The following NET1 variants were observed in gnomAD, a reference collection of about 807,000 sequenced individuals.
The protein encoded by NET1 is neuroepithelial cell-transforming gene 1 protein.
A neutral mutation model predicts 61.1 loss-of-function variants in NET1; 42 were observed. The ratio of observed to expected loss-of-function variants is 0.69; its 90% confidence interval spans 0.54 to 0.89. The LOEUF is 0.89. Ranked by LOEUF, NET1 falls within the 40% of genes least tolerant of loss-of-function variation. NET1 has a pLI of 0.00. For missense variants in NET1, 654 were observed against 747.3 expected, an observed-to-expected ratio of 0.88 and a Z score of 1.46; for synonymous variants, 254 against 281.8, an observed-to-expected ratio of 0.90 and a Z score of 0.99.
intron 3 of NET1, among the ~76,000 whole-genome samples, chr10:5,450,039 C>T (rs1452212340): frequency 6.8e-6 from 1 of 147,110 alleles, no homozygotes; most frequent in Non-Finnish European, 1.5e-5. Flanking sequence ...AAAGGAATGC[C>T]TGTGCTGGCC....
intron 2 of NET1, among the ~76,000 whole-genome samples, chr10:5,428,560 C>T (rs1212280185): frequency 1.3e-5 from 2 of 150,492 alleles, no homozygotes; most frequent in African/African-American, 4.9e-5. Context: ...CTAACAAGTA[C>T]AGACAGCCCT....
chr10:5,452,268 T>A lies in NET1; in HGVS notation c.364-90T>A. 1 of 1,174,808 alleles carries A rather than the reference T, an allele frequency of 8.5e-7. No homozygotes were observed. Among genetic ancestry groups the A allele is most frequent in the East Asian group, 2.7e-5 (1 of 37,026 alleles). 72.8% of individuals were successfully genotyped at this position (1,174,808 alleles called of 1,614,324 possible). Reference sequence around the variant, plus strand: ...GCATTGAGAAATTCTCAGAACTTTGTCTTTCTTCACTTTAAAAAAAAAGAA... The same window carrying A: ...GCATTGAGAAATTCTCAGAACTTTGACTTTCTTCACTTTAAAAAAAAAGAA... On this transcript the variant is annotated intron_variant, in intron 4 of 11. Coordinates refer to ENST00000355029, the MANE Select transcript of NET1 (RefSeq NM_001047160.3). The surrounding 1 kb of genome is among the most constrained non-coding windows in gnomAD (Gnocchi z 4.0).
chr10:5,430,314 A>C (rs1326696576), intron 3 of NET1, among the ~76,000 whole-genome samples: 1 of 152,126 alleles, frequency 6.6e-6, no homozygotes, highest in South Asian at 2.1e-4. Context: ...AGTAAATCCT[A>C]GATGTCATGT....
rs1832774674 is a variant in NET1, at chr10:5,455,042, A to G, written c.1121A>G (p.Glu374Gly). ...YYIDKLEYLD[E>G]KQRDPRIEAS... is the part of the protein sequence containing the mutation. ...ATCGACAAGCTGGAGTACCTGGATG[A>G]AAAGCAGAGGGACCCCAGAATCGAA... Residue 374 changes from glutamate to glycine, a missense_variant, in exon 10 of 12, where the codon GAA becomes GGA. Transcript: ENST00000355029. This position sits in a 1 kb window ranked among gnomAD's most constrained non-coding sequence, Gnocchi z 6.5. 7 of 1,614,080 alleles carry G rather than the reference A, an allele frequency of 4.3e-6. No individual in the cohort carries two copies. The highest frequency in any genetic ancestry group is 5.9e-6 in the Non-Finnish European group (7 of 1,180,034).
chr10:5,456,852 A>T lies in NET1; in HGVS notation c.1649A>T (p.Asp550Val). The T allele has an allele frequency of 6.2e-7, 1 of 1,614,142 alleles. No homozygotes were observed. The highest frequency in any genetic ancestry group is 8.5e-7 in the Non-Finnish European group (1 of 1,180,018). ...TCCAGTGTTACTCAGGTAGAAGTTG[A>T]TGAAAACGCTTACAGATGTGGCTCT... is the stretch of plus-strand genomic sequence containing the variant. ...TVSSVTQVEV[D>V]ENAYRCGSGM... The change falls in exon 12 of 12, where the codon GAT becomes GTT. Residue 550 changes from aspartate to valine, a missense_variant. Transcript: ENST00000355029. The surrounding 1 kb of genome is among the most constrained non-coding windows in gnomAD (Gnocchi z 7.0).
chr10:5,429,942 T>A (rs1014503219), intron 3 of NET1, among the ~76,000 whole-genome samples: 1 of 152,330 alleles, frequency 6.6e-6, no homozygotes, highest in African/African-American at 2.4e-5. Context: ...CATATTATGT[T>A]TAACAGCAGC....
rs1185689966 is a variant in NET1, at chr10:5,446,442, T to C, written c.256-5388T>C. 4 of 359,092 alleles carry C rather than the reference T, an allele frequency of 1.1e-5. No individual in the cohort carries two copies. The highest frequency in any genetic ancestry group is 4.4e-5 in the African/African-American group (2 of 45,464). 22.2% of individuals were successfully genotyped at this position (359,092 alleles called of 1,614,324 possible). A position where few individuals can be genotyped will look rare whatever the true frequency, so the allele number is the denominator to read the frequency against. On this transcript the variant is annotated intron_variant, in intron 3 of 11. Coordinates refer to ENST00000355029, the MANE Select transcript of NET1 (RefSeq NM_001047160.3). The surrounding 1 kb of genome is among the most constrained non-coding windows in gnomAD (Gnocchi z 5.0). ...AAATCAGGAAGAGAAGTTTCTGTCCTACTTGAACCCAGCTTCACTCTCCTC... is the reference window on the plus strand; with the variant it reads ...AAATCAGGAAGAGAAGTTTCTGTCCCACTTGAACCCAGCTTCACTCTCCTC...
Position 5,453,106 on chromosome 10 carries a change from G to A in NET1, c.595-144G>A. On this transcript the variant is annotated intron_variant, in intron 6 of 11. Coordinates refer to ENST00000355029, the MANE Select transcript of NET1 (RefSeq NM_001047160.3). The surrounding 1 kb of genome is among the most constrained non-coding windows in gnomAD (Gnocchi z 4.9). ...GTATTAGTAAGAGAGTTTATTTGGG[G>A]ATTAATACATACTAATTTATTTTAT... 1.4e-6 allele frequency: 1 copy of A among 725,124 alleles called. No homozygotes were observed. Among genetic ancestry groups the A allele is most frequent in the Admixed American group, 2.2e-5 (1 of 45,074 alleles). The allele number at this position is 725,124 out of a possible 1,614,324, so 44.9% of individuals were successfully genotyped here.
chr10:5,458,322 A>G lies in NET1; in HGVS notation c.*1328A>G, dbSNP rs878975212. 2.6e-5 allele frequency: 4 copies of G among 152,570 alleles called. No individual in the cohort carries two copies. Among genetic ancestry groups the G allele is most frequent in the Non-Finnish European group, 4.4e-5 (3 of 68,028 alleles). 9.5% of individuals were successfully genotyped at this position (152,570 alleles called of 1,614,324 possible). Reference sequence around the variant, plus strand: ...AAAAGCCCGATTATAATGGTGATCAATTCAAGTCAGTGTTGACTATTCTGT... The same window carrying G: ...AAAAGCCCGATTATAATGGTGATCAGTTCAAGTCAGTGTTGACTATTCTGT... On this transcript the variant is annotated 3_prime_UTR_variant, in exon 12 of 12. Coordinates refer to ENST00000355029, the MANE Select transcript of NET1 (RefSeq NM_001047160.3). The surrounding 1 kb of genome is among the most constrained non-coding windows in gnomAD (Gnocchi z 4.5).
chr10:5,445,095 A>G (rs1832585310), intron 3 of NET1, among the ~76,000 whole-genome samples: 3 of 152,170 alleles, frequency 2.0e-5, no homozygotes, highest in African/African-American at 4.8e-5. Context: ...CCAGTCACAT[A>G]TATCTTATTA....
At position 5,449,397 on chromosome 10, in the gene NET1, C is replaced by T. The variant is rs955884367; in HGVS notation, c.256-2433C>T. ...TCCCAACCTGTATTTCCTGAGTAAG[C>T]ATCATACTTCCCAAGACATCCTAGA... is the stretch of plus-strand genomic sequence containing the variant. On this transcript the variant is annotated intron_variant, in intron 3 of 11. Coordinates refer to ENST00000355029, the MANE Select transcript of NET1 (RefSeq NM_001047160.3). This position sits in a 1 kb window ranked among gnomAD's most constrained non-coding sequence, Gnocchi z 4.4. Among the ~76,000 whole-genome samples, 43 of 152,112 alleles carry T rather than the reference C, an allele frequency of 2.8e-4. No homozygotes were observed. Among genetic ancestry groups the T allele is most frequent in the Non-Finnish European group, 4.0e-4 (27 of 68,026 alleles).
chr10:5,455,176 A>C lies in NET1; in HGVS notation c.1197+58A>C. 6.5e-7 allele frequency: 1 copy of C among 1,545,862 alleles called. No homozygotes were observed. The highest frequency in any genetic ancestry group is 1.1e-5 in the South Asian group (1 of 89,034). On this transcript the variant is annotated intron_variant, in intron 10 of 11. Coordinates refer to ENST00000355029, the MANE Select transcript of NET1 (RefSeq NM_001047160.3). This position sits in a 1 kb window ranked among gnomAD's most constrained non-coding sequence, Gnocchi z 6.5. The stretch of plus-strand genomic sequence containing the variant: ...CTTCCCTCCTGCCTCTTTAACTTTT[A>C]CACGTTTGTTATGAAGCAGGCTTGT...
chr10:5,438,406 A>G lies in NET1; in HGVS notation c.255+9177A>G, dbSNP rs963162106. Among the ~76,000 whole-genome samples the G allele has an allele frequency of 3.3e-5, 5 of 152,306 alleles. No homozygotes were observed. In the South Asian group the frequency reaches 1.0e-3, roughly 32 times the overall value. Reference sequence around the variant, plus strand: ...TAAAATGAGAAATGAAAGTGGGGCTATTACTACCATATTGTACAGAAATAA... The same window carrying G: ...TAAAATGAGAAATGAAAGTGGGGCTGTTACTACCATATTGTACAGAAATAA... On this transcript the variant is annotated intron_variant, in intron 3 of 11. Transcript: ENST00000355029.
chr10:5,434,793 A>G (rs1224695937), intron 3 of NET1, among the ~76,000 whole-genome samples: 1 of 151,202 alleles, frequency 6.6e-6, no homozygotes, highest in Non-Finnish European at 1.5e-5. Context: ...GTTAACCAAC[A>G]TTATAGAAAA....
rs1832578730 is a variant in NET1, at chr10:5,444,745, G to C, written c.256-7085G>C. Among the ~76,000 whole-genome samples the C allele has an allele frequency of 6.6e-6, 1 of 152,048 alleles. No individual in the cohort carries two copies. ...TCCCATAGCTTCGATTTTTATCTCT[G>C]TATCTGACTCTCCAGTCTAAATCTA... On this transcript the variant is annotated intron_variant, in intron 3 of 11. Coordinates refer to ENST00000355029, the MANE Select transcript of NET1 (RefSeq NM_001047160.3). The surrounding 1 kb of genome is among the most constrained non-coding windows in gnomAD (Gnocchi z 5.3).
Position 5,426,557 on chromosome 10 carries a change from G to A in NET1, c.129-98G>A, listed in dbSNP as rs764064989. On this transcript the variant is annotated intron_variant, in intron 1 of 11. Transcript: ENST00000355029. The surrounding 1 kb of genome is among the most constrained non-coding windows in gnomAD (Gnocchi z 4.6). ...AATGACAAATCAGGCCACTTTAAAC[G>A]GTTTTGAAAGTATGAAAAGTATAGC... The A allele has an allele frequency of 1.5e-5, 13 of 850,156 alleles. No homozygotes were observed. The highest frequency in any genetic ancestry group is 2.7e-5 in the East Asian group (1 of 37,388). The allele number at this position is 850,156 out of a possible 1,614,324, so 52.7% of individuals were successfully genotyped here. A position where few individuals can be genotyped will look rare whatever the true frequency, so the allele number is the denominator to read the frequency against.
In NET1 at chr10:5,412,834, A is replaced by G. The variant is rs1018644449; in HGVS notation, c.128+14A>G. On this transcript the variant is annotated intron_variant, in intron 1 of 11. Transcript: ENST00000355029. This position sits in a 1 kb window ranked among gnomAD's most constrained non-coding sequence, Gnocchi z 6.5. Reference sequence around the variant, plus strand: ...GCTGGACGGGAGGTGAGTGTGGGGGAGGGGAGGGCCGAACGGGAGGTGAGT... The same window carrying G: ...GCTGGACGGGAGGTGAGTGTGGGGGGGGGGAGGGCCGAACGGGAGGTGAGT... 2.7e-6 allele frequency: 3 copies of G among 1,096,752 alleles called. No homozygotes were observed. Among genetic ancestry groups the G allele is most frequent in the Non-Finnish European group, 2.2e-6 (2 of 899,880 alleles). 67.9% of individuals were successfully genotyped at this position (1,096,752 alleles called of 1,614,324 possible).
rs767299959 is a variant in NET1 at position 5,428,038 on chromosome 10, C to CCTTTTTTTTTTT, written c.196-1132_196-1131insCTTTTTTTTTTT. Among the ~76,000 whole-genome samples, 2 of 113,904 alleles carry CCTTTTTTTTTTT rather than the reference C, an allele frequency of 1.8e-5. 1 individual carries two copies. 74.7% of individuals were successfully genotyped at this position (113,904 alleles called of 152,430 possible). A position where few individuals can be genotyped will look rare whatever the true frequency, so the allele number is the denominator to read the frequency against. ...CACTTCTATCTGGACTTTGCCGTTC[C>CCTTTTTTTTTTT]TTTTTTTTTTTTTTTTTTTTTTTTT... On this transcript the variant is annotated intron_variant, in intron 2 of 11. Transcript: ENST00000355029.
At chr10:5,450,232 C>T (rs1832683206) in intron 3 of NET1, among the ~76,000 whole-genome samples, 1 of 152,214 alleles carries the variant, frequency 6.6e-6, no homozygotes. Flanking sequence ...ATCTACAACT[C>T]TGCCTCTTAA....
Sources: allele counts gnomAD v4.1 joint callset (sites outside exome capture counted in the v4.1 genomes callset), GRCh38; gene constraint gnomAD v4.1.1; non-coding constraint Gnocchi (gnomAD v3.1); transcripts MANE v1.5; gene names NCBI Gene and HGNC (gene_info 2026-07-23, HGNC 2026-07-21).